The following GLT8D2 variants were observed in gnomAD, a reference collection of about 807,000 sequenced individuals.
The protein encoded by GLT8D2 is glycosyltransferase 8 domain containing 2.
In GLT8D2, 45 loss-of-function variants were observed where a neutral mutation model predicts 44.5. The ratio of observed to expected loss-of-function variants is 1.01; its 90% CI spans 0.80 to 1.30. The LOEUF (loss-of-function observed/expected upper bound fraction) is 1.30. GLT8D2 is among the 50% of genes most tolerant of loss of function. The pLI is 0.00. For synonymous variants in GLT8D2, 156 were observed against 157.2 expected, an observed-to-expected ratio of 0.99 and a Z score of 0.06; for missense variants, 400 against 430.4, an observed-to-expected ratio of 0.93 and a Z score of 0.62.
chr12:104,027,086 T>C (rs954901583), intron 1 of GLT8D2, among the ~76,000 whole-genome samples: 1 of 152,228 alleles, frequency 6.6e-6, no homozygotes, highest in Non-Finnish European at 1.5e-5. Context: ...TTCAACTCTT[T>C]AATTCACTGT....
Position 103,989,711 on chromosome 12 carries a change from C to T in GLT8D2, c.881-134G>A, listed in dbSNP as rs1488275199. 5.6e-6 allele frequency: 4 copies of T among 715,866 alleles called. No individual in the cohort carries two copies. The East Asian group carries it at 1.1e-4, about 20-fold the overall frequency. The allele number at this position is 715,866 out of a possible 1,614,324, so 44.3% of individuals were successfully genotyped here. ...TTATACAGTGAATTTTCTACCCACC[C>T]CAGGTCTCCAAATCAACCACTGTTA... On this transcript the variant is annotated intron_variant, in intron 10 of 10. Transcript: ENST00000360814.
Position 103,994,263 on chromosome 12 carries a change from C to T in GLT8D2, c.767+72G>A, listed in dbSNP as rs1873132289. 5 of 1,422,496 alleles carry T rather than the reference C, an allele frequency of 3.5e-6. No homozygotes were observed. The South Asian group carries it at 5.5e-5, about 16-fold the overall frequency. The allele number at this position is 1,422,496 out of a possible 1,614,324, so 88.1% of individuals were successfully genotyped here. On this transcript the variant is annotated intron_variant, in intron 9 of 10. Transcript: ENST00000360814. ...CTGTGAAATATTTCTAACCCTTGAA[C>T]TATGTGTGGAAAATTAATTGAATGA...
chr12:104,059,807 G>A (rs961484959), intron 1 of GLT8D2, among the ~76,000 whole-genome samples: 9 of 152,076 alleles, frequency 5.9e-5, no homozygotes, highest in African/African-American at 9.7e-5. Flanking sequence ...GTGCTCTTCC[G>A]ACCTTTTGTT....
chr12:104,045,409 C>T (rs941218442), intron 1 of GLT8D2, among the ~76,000 whole-genome samples: 2 of 152,154 alleles, frequency 1.3e-5, no homozygotes, highest in African/African-American at 4.8e-5. Context: ...GCCTGCAGGC[C>T]TGTCTTCAGG....
In GLT8D2 at chr12:104,047,255, G is replaced by A. The variant is rs143829205; in HGVS notation, c.-164+2640C>T. ...CTACTTTCTGGCTCATAGATAGCAC[G>A]TTCTAGCTGTGTCCTCCATGGTGGA... On this transcript the variant is annotated intron_variant, in intron 1 of 10. Coordinates refer to ENST00000360814, the MANE Select transcript of GLT8D2 (RefSeq NM_001384711.1). 7.2e-3 allele frequency among the ~76,000 whole-genome samples: 1,084 copies of A among 150,866 alleles called. 11 individuals carry two copies. Among genetic ancestry groups the A allele is most frequent in the African/African-American group, 0.025 (1,019 of 41,152 alleles).
chr12:103,993,450 C>G lies in GLT8D2; in HGVS notation c.822G>C (p.Leu274=). The G allele has an allele frequency of 6.2e-7, 1 of 1,613,912 alleles. No individual in the cohort carries two copies. The change falls in exon 10 of 11, where the codon CTG becomes CTC. Residue 274 remains leucine, a synonymous_variant. Coordinates refer to ENST00000360814, the MANE Select transcript of GLT8D2 (RefSeq NM_001384711.1). ...TGGAATATTTCCCATGAAACACAAT[C>G]AGCATTGGGGAGGTGGCCACCCCTC... is the stretch of plus-strand genomic sequence containing the variant. ...LGGGVATSPM[L]IVFHGKYSTI... is the part of the protein sequence containing the mutation.
Position 104,015,026 on chromosome 12 carries a change from G to C in GLT8D2, c.99C>G (p.Pro33=). 1 of 1,611,648 alleles carries C rather than the reference G, an allele frequency of 6.2e-7. No homozygotes were observed. ...LYKKVHKGTV[P]KNDADDESET... is the part of the protein sequence containing the mutation. ...ATGTCTGCTCACCTGCGTCATTCTT[G>C]GGCACAGTCCCCTTATGAACTTTCT... The change falls in exon 4 of 11, where the codon CCC becomes CCG. Residue 33 remains proline, a synonymous_variant. Coordinates refer to ENST00000360814, the MANE Select transcript of GLT8D2 (RefSeq NM_001384711.1).
chr12:104,046,377 A>C (rs1881153361), intron 1 of GLT8D2, among the ~76,000 whole-genome samples: 1 of 152,244 alleles, frequency 6.6e-6, no homozygotes, highest in African/African-American at 2.4e-5. Flanking sequence ...ATTCCAATAC[A>C]CAGGTGAGAA....
At chr12:104,026,924 T>A (rs1878652694) in intron 1 of GLT8D2, among the ~76,000 whole-genome samples, 3 of 152,168 alleles carry the variant, frequency 2.0e-5, no homozygotes, top group Admixed American at 6.5e-5. Context: ...AAACCAGGAA[T>A]AATAACCTTT....
chr12:104,015,599 G>T (rs1876476379), intron 3 of GLT8D2, among the ~76,000 whole-genome samples: 1 of 151,842 alleles, frequency 6.6e-6, no homozygotes, highest in South Asian at 2.1e-4. Context: ...CAAACAAACA[G>T]AAAGAATTAA....
At chr12:104,004,001 T>G (rs1318074856) in intron 4 of GLT8D2, among the ~76,000 whole-genome samples, 1 of 152,128 alleles carries the variant, frequency 6.6e-6, no homozygotes, top group Non-Finnish European at 1.5e-5. Context: ...GCAAACTGAA[T>G]CCAGCAGCAC....
At chr12:104,016,498 G>A (rs1421403953) in intron 3 of GLT8D2, among the ~76,000 whole-genome samples, 1 of 151,368 alleles carries the variant, frequency 6.6e-6, no homozygotes, top group Non-Finnish European at 1.5e-5. Flanking sequence ...TTAGCCAGGT[G>A]TTGCGCATGC....
At chr12:104,026,672 T>A (rs1283795967) in intron 1 of GLT8D2, among the ~76,000 whole-genome samples, 1 of 152,228 alleles carries the variant, frequency 6.6e-6, no homozygotes, top group Admixed American at 6.5e-5. Flanking sequence ...CATTTTACTG[T>A]AAAATCTAAA....
At chr12:104,024,051 G>A (rs1320458735) in intron 1 of GLT8D2, among the ~76,000 whole-genome samples, 1 of 151,912 alleles carries the variant, frequency 6.6e-6, no homozygotes, top group East Asian at 1.9e-4. Flanking sequence ...GGTATTGCTG[G>A]GTCTTTTGGG....
chr12:103,991,243 G>A (rs767340151), intron 10 of GLT8D2, among the ~76,000 whole-genome samples: 1 of 152,222 alleles, frequency 6.6e-6, no homozygotes, highest in South Asian at 2.1e-4. Context: ...CTGGAGTGCA[G>A]TGGCATGATT....
chr12:104,011,893 C>G (rs140681049), intron 4 of GLT8D2, among the ~76,000 whole-genome samples: 1 of 151,956 alleles, frequency 6.6e-6, no homozygotes, highest in African/African-American at 2.4e-5. Flanking sequence ...ATACCTGGGC[C>G]GGGCGCAGTG....
chr12:104,063,910 C>A (rs968188299), intron 1 of GLT8D2: 35 of 152,372 alleles, frequency 2.3e-4, no homozygotes, highest in African/African-American at 8.4e-4. Flanking sequence ...ACCTAGAAAA[C>A]CATCTCTCCT....
chr12:104,044,917 T>C (rs940607900), intron 1 of GLT8D2, among the ~76,000 whole-genome samples: 9 of 152,260 alleles, frequency 5.9e-5, no homozygotes, highest in Non-Finnish European at 1.0e-4. Flanking sequence ...TGTTGACATA[T>C]TTACTTAATT....
At chr12:103,989,659 T>C (rs963651136) in intron 10 of GLT8D2, 82 bp from the exon 11 acceptor site, 140 of 1,251,846 alleles carry the variant, frequency 1.1e-4, no homozygotes, top group Non-Finnish European at 1.5e-4. Context: ...AGTTCATAGT[T>C]TAAAAAAAGG....
Sources: allele counts gnomAD v4.1 joint callset (sites outside exome capture counted in the v4.1 genomes callset), GRCh38; gene constraint gnomAD v4.1.1; transcripts MANE v1.5; gene names NCBI Gene and HGNC (gene_info 2026-07-23, HGNC 2026-07-21).